ZEB2: variants seen among roughly 807,000 people sequenced by gnomAD.
ZEB2 encodes the protein zinc finger E-box binding homeobox 2.
In ZEB2, 6 loss-of-function variants were observed where a neutral mutation model predicts 99.9. The observed-to-expected ratio is 0.06, with a 90% CI of 0.03 to 0.12. The LOEUF is 0.12. ZEB2 is among the 10% of genes least tolerant of loss of function. The pLI, the probability that ZEB2 is intolerant of heterozygous loss-of-function variation, is 1.00. For synonymous variants in ZEB2, 517 were observed against 542.5 expected (o/e 0.95, Z 0.65); for missense variants, 969 against 1,502.8 (o/e 0.64, Z 5.87).
intron 2 of ZEB2, among the ~76,000 whole-genome samples, chr2:144,436,432 C>A (rs1049075711): frequency 1.3e-5 from 2 of 152,072 alleles, no homozygotes; most frequent in Non-Finnish European, 2.9e-5. Flanking sequence ...AAAATGTTTC[C>A]ATTTCAGATT....
At chr2:144,408,266 G>T (rs955617233) in intron 4 of ZEB2, among the ~76,000 whole-genome samples, 1 of 152,170 alleles carries the variant, frequency 6.6e-6, no homozygotes, top group Non-Finnish European at 1.5e-5. Flanking sequence ...AATAAATTAT[G>T]TCCTTAACAC....
rs1240212153 is a variant in ZEB2 at position 144,386,597 on chromosome 2, G to A, written c.*2854C>T. ...ACTTTCTTCTTTCCAAGGAGAAAGA[G>A]TTAGGTTGCACATTCATTGTTTGTT... is the stretch of plus-strand genomic sequence containing the variant. On this transcript the variant is annotated 3_prime_UTR_variant, in exon 10 of 10. Coordinates refer to ENST00000627532, the MANE Select transcript of ZEB2 (RefSeq NM_014795.4). 1 of 152,184 alleles carries A rather than the reference G, an allele frequency of 6.6e-6. No homozygotes were observed. Among genetic ancestry groups the A allele is most frequent in the Non-Finnish European group, 1.5e-5 (1 of 68,028 alleles). 9.4% of individuals were successfully genotyped at this position (152,184 alleles called of 1,614,324 possible). A position where few individuals can be genotyped will look rare whatever the true frequency, so the allele number is the denominator to read the frequency against.
chr2:144,513,413 C>A (rs1033400840), intron 2 of ZEB2: 1 of 1,387,630 alleles, frequency 7.2e-7, no homozygotes, highest in Non-Finnish European at 9.5e-7. Flanking sequence ...TGTCCCCAAC[C>A]CTTTAGTGGA....
chr2:144,503,345 T>C (rs1466730148), intron 2 of ZEB2, among the ~76,000 whole-genome samples: 1 of 152,230 alleles, frequency 6.6e-6, no homozygotes, highest in Non-Finnish European at 1.5e-5. Flanking sequence ...AAGGCCAATA[T>C]GCACATGGAT....
intron 3 of ZEB2, among the ~76,000 whole-genome samples, chr2:144,425,382 A>C (rs1483689451): frequency 6.6e-6 from 1 of 152,220 alleles, no homozygotes; most frequent in Non-Finnish European, 1.5e-5. Flanking sequence ...TGGAATGCCC[A>C]GTTTGTACAA....
intron 4 of ZEB2, among the ~76,000 whole-genome samples, chr2:144,420,695 C>G (rs987179972): frequency 2.6e-5 from 4 of 151,936 alleles, no homozygotes; most frequent in African/African-American, 9.7e-5. Context: ...TGGGATGTGA[C>G]CTGGACTTGA....
At chr2:144,431,295 T>A (rs2149891865) in intron 2 of ZEB2, among the ~76,000 whole-genome samples, 1 of 152,146 alleles carries the variant, frequency 6.6e-6, no homozygotes, top group East Asian at 1.9e-4. Flanking sequence ...ATAATGCTTT[T>A]GGAGAATTCT....
At chr2:144,461,221 A>T (rs1704189618) in intron 2 of ZEB2, 1 of 151,914 alleles carries the variant, frequency 6.6e-6, no homozygotes, top group South Asian at 2.1e-4. Flanking sequence ...TTTATTACCT[A>T]AGGTGAGCCC....
At chr2:144,456,114 A>AT (rs1010804416) in intron 2 of ZEB2, among the ~76,000 whole-genome samples, 4 of 147,568 alleles carry the variant, frequency 2.7e-5, no homozygotes, top group Non-Finnish European at 5.9e-5. Context: ...AGTTTGTTCC[A>AT]TTGTTTTTTT....
In ZEB2 at chr2:144,396,506, G is replaced by A. The variant is rs572507342; in HGVS notation, c.2973C>T (p.Ile991=). 113 of 1,614,092 alleles carry A rather than the reference G, an allele frequency of 7.0e-5. 1 individual carries two copies. The Middle Eastern group carries it at 1.2e-3, about 16-fold the overall frequency. The change falls in exon 9 of 10, where the codon ATC becomes ATT. Residue 991 remains isoleucine (I), a synonymous_variant. Transcript: ENST00000627532. ...CATACATGCCACTCTCTGTCTTCTTGATCTTTTTGCGAGACAGACAGGAGT... is the reference window on the plus strand; with the variant it reads ...CATACATGCCACTCTCTGTCTTCTTAATCTTTTTGCGAGACAGACAGGAGT... ...DSDSCLSRKK[I]KKTESGMYAC...
At chr2:144,419,960 G>A (rs971007768) in intron 4 of ZEB2, among the ~76,000 whole-genome samples, 2 of 151,992 alleles carry the variant, frequency 1.3e-5, no homozygotes, top group African/African-American at 4.8e-5. Context: ...CCTTTAACAA[G>A]GCAAAATCCT....
intron 2 of ZEB2, among the ~76,000 whole-genome samples, chr2:144,502,929 T>C (rs1278375403): frequency 6.6e-6 from 1 of 152,124 alleles, no homozygotes; most frequent in African/African-American, 2.4e-5. Context: ...TTACTGAATA[T>C]CTCTTTAATA....
At chr2:144,455,358 T>G (rs1704107650) in intron 2 of ZEB2, among the ~76,000 whole-genome samples, 1 of 152,168 alleles carries the variant, frequency 6.6e-6, no homozygotes, top group Non-Finnish European at 1.5e-5. Context: ...TCCACCAACC[T>G]GCACACTGTT....
intron 2 of ZEB2, among the ~76,000 whole-genome samples, chr2:144,505,805 G>A (rs890702669): frequency 6.6e-6 from 1 of 152,148 alleles, no homozygotes; most frequent in African/African-American, 2.4e-5. Flanking sequence ...CACAGGGCAA[G>A]GCTACCTCAC....
At chr2:144,404,400 A>C (rs1416513411) in intron 5 of ZEB2, among the ~76,000 whole-genome samples, 2 of 151,476 alleles carry the variant, frequency 1.3e-5, no homozygotes, top group Non-Finnish European at 2.9e-5. Flanking sequence ...AACAGCTGAT[A>C]AATGAGGAAA....
chr2:144,397,404 G>A (rs1206817374), intron 8 of ZEB2, among the ~76,000 whole-genome samples: 2 of 152,174 alleles, frequency 1.3e-5, no homozygotes, highest in African/African-American at 2.4e-5. Context: ...TTACAGAGGT[G>A]CACTGCTACT....
intron 3 of ZEB2, among the ~76,000 whole-genome samples, chr2:144,425,526 T>A (rs1703680844): frequency 6.6e-6 from 1 of 152,184 alleles, no homozygotes; most frequent in African/African-American, 2.4e-5. Context: ...CTGTAGGTAA[T>A]CATAATCATT....
chr2:144,405,046 A>T, intron 4 of ZEB2, 22 bp from the exon 5 acceptor site: 1 of 1,610,946 alleles, frequency 6.2e-7, no homozygotes, highest in Non-Finnish European at 8.5e-7. Flanking sequence ...AAAGGAGAAG[A>T]AATGTTGTTT....
Position 144,513,885 on chromosome 2 carries a change from C to A in ZEB2, c.73+3393G>T, listed in dbSNP as rs759659807. ...CTCTCCAGCGTCAGTGAAAGTGTTA[C>A]AAAGTGAGTCAGGCGACTGAGGATC... On this transcript the variant is annotated intron_variant, in intron 2 of 9. Coordinates refer to ENST00000627532, the MANE Select transcript of ZEB2 (RefSeq NM_014795.4). 1.6e-4 allele frequency: 247 copies of A among 1,518,916 alleles called. 1 individual carries two copies. Among genetic ancestry groups the A allele is most frequent in the Non-Finnish European group, 2.1e-4 (236 of 1,135,188 alleles). 94.1% of individuals were successfully genotyped at this position (1,518,916 alleles called of 1,614,324 possible).
Sources: gnomAD v4.1 joint callset for allele counts (sites outside exome capture counted in the v4.1 genomes callset) on GRCh38, gnomAD v4.1.1 for gene constraint, MANE v1.5 for transcripts, NCBI Gene and HGNC (gene_info 2026-07-23, HGNC 2026-07-21) for gene names.